Variants in RHOT1 observed in about 807,000 individuals in gnomAD.
RHOT1 encodes ras homolog family member T1, also known as mitochondrial Rho GTPase 1.
In RHOT1, 27 loss-of-function variants were observed where a neutral mutation model predicts 95.3. That is an observed-to-expected ratio of 0.28 (90% CI 0.21 to 0.39). The LOEUF (loss-of-function observed/expected upper bound fraction) is 0.39. RHOT1 is among the 10% of genes least tolerant of loss of function. RHOT1 has a pLI of 1.00. For missense variants in RHOT1, 578 were observed against 786.7 expected (o/e 0.73, Z 3.17); for synonymous variants, 227 against 263.5 (o/e 0.86, Z 1.34).
At chr17:32,170,181 G>A (rs1038402545) in intron 1 of RHOT1, among the ~76,000 whole-genome samples, 2 of 152,170 alleles carry the variant, frequency 1.3e-5, no homozygotes, top group African/African-American at 2.4e-5. Flanking sequence ...TTGGGAGGCC[G>A]AGGCAGGTAG....
intron 3 of RHOT1, among the ~76,000 whole-genome samples, chr17:32,174,677 G>A (rs1371790852): frequency 6.6e-6 from 1 of 152,130 alleles, no homozygotes; most frequent in Non-Finnish European, 1.5e-5. Flanking sequence ...CATTTTTAGG[G>A]GAAGATATAT....
intron 1 of RHOT1, among the ~76,000 whole-genome samples, chr17:32,160,751 G>A (rs2033461694): frequency 6.6e-6 from 1 of 152,222 alleles, no homozygotes; most frequent in East Asian, 1.9e-4. Flanking sequence ...CAGCCGGCGT[G>A]CCTGGCTGTG....
chr17:32,161,637 C>T (rs2033564172), intron 1 of RHOT1, among the ~76,000 whole-genome samples: 1 of 152,182 alleles, frequency 6.6e-6, no homozygotes, highest in Admixed American at 6.5e-5. Context: ...TTATCTTGGC[C>T]TGTTCCCAGG....
At chr17:32,148,126 G>A (rs1053537397) in intron 1 of RHOT1, among the ~76,000 whole-genome samples, 35 of 152,106 alleles carry the variant, frequency 2.3e-4, no homozygotes, top group Non-Finnish European at 4.3e-4. Context: ...TTAGCCAGGC[G>A]TGGTGGCAGG....
At position 32,192,273 on chromosome 17, in the gene RHOT1, A is replaced by G; in HGVS notation, c.613A>G (p.Asn205Asp). Residue 205 changes from asparagine (N) to aspartate (D), a missense_variant, in exon 9 of 20, where the codon AAT becomes GAT. Asn to Asp is a conservative substitution (Grantham distance 23). Around this residue, in one of 4 missense-constraint regions of RHOT1, gnomAD observed 227 missense variants for 316.0 expected, o/e 0.72. Transcript: ENST00000545287. ...TGATCAAGATAATGATGGTACTCTC[A>G]ATGATGCTGAACTCAACTTCTTTCA... Reference protein sequence around the residue: ...ISDQDNDGTLNDAELNFFQRI... With the variant: ...ISDQDNDGTLDDAELNFFQRI... The G allele has an allele frequency of 6.3e-7, 1 of 1,580,948 alleles. No individual in the cohort carries two copies. The highest frequency in any genetic ancestry group is 8.6e-7 in the Non-Finnish European group (1 of 1,160,596).
intron 6 of RHOT1, among the ~76,000 whole-genome samples, chr17:32,177,395 C>T (rs1426280544): frequency 6.6e-6 from 1 of 152,116 alleles, no homozygotes; most frequent in Non-Finnish European, 1.5e-5. Flanking sequence ...GGATCCAATA[C>T]CCATATGTTC....
intron 1 of RHOT1, among the ~76,000 whole-genome samples, chr17:32,165,719 A>G (rs1244747338): frequency 6.6e-6 from 1 of 152,182 alleles, no homozygotes; most frequent in Non-Finnish European, 1.5e-5. Flanking sequence ...ATGGAACTTG[A>G]ACCTCCAAAT....
intron 3 of RHOT1, among the ~76,000 whole-genome samples, chr17:32,175,003 T>C (rs995819539): frequency 5.3e-5 from 8 of 152,242 alleles, no homozygotes; most frequent in Non-Finnish European, 7.3e-5. Context: ...CTTCTGACTC[T>C]TCAGCACCCA....
At position 32,199,515 on chromosome 17, in the gene RHOT1, C is replaced by T. The variant is rs749432063; in HGVS notation, c.1065C>T (p.Gly355=). The change falls in exon 13 of 20, where the codon GGC becomes GGT. Residue 355 remains glycine (G), a synonymous_variant. Coordinates refer to ENST00000545287, the MANE Select transcript of RHOT1 (RefSeq NM_001033566.3). The part of the protein sequence containing the change: ...VNNTVCTNER[G]WITYQGFLSQ... ...ACACAGTTTGTACCAATGAAAGAGG[C>T]TGGATAACCTACCAGGGATTCCTTT... 6.2e-7 allele frequency: 1 copy of T among 1,612,116 alleles called. No homozygotes were observed. Among genetic ancestry groups the T allele is most frequent in the South Asian group, 1.1e-5 (1 of 90,592 alleles).
At chr17:32,151,818 G>A (rs569177797) in intron 1 of RHOT1, among the ~76,000 whole-genome samples, 1 of 148,520 alleles carries the variant, frequency 6.7e-6, no homozygotes, top group Non-Finnish European at 1.5e-5. Flanking sequence ...GGAGGCGGAG[G>A]TTGCAATGAG....
intron 1 of RHOT1, 27 bp downstream of exon 1, chr17:32,142,756 C>T: frequency 6.7e-7 from 1 of 1,495,810 alleles, no homozygotes; most frequent in Non-Finnish European, 8.9e-7. Context: ...TGGCCGGCCC[C>T]TGAGTCCCTG....
At chr17:32,165,165 A>G (rs895852126) in intron 1 of RHOT1, among the ~76,000 whole-genome samples, 2 of 151,938 alleles carry the variant, frequency 1.3e-5, no homozygotes, top group African/African-American at 2.4e-5. Context: ...GTGAAACCCC[A>G]TCTCTACTAA....
chr17:32,176,780 A>G, intron 6 of RHOT1, among the ~76,000 whole-genome samples: 1 of 152,022 alleles, frequency 6.6e-6, no homozygotes, highest in Non-Finnish European at 1.5e-5. Flanking sequence ...CACGTTGGTC[A>G]GTCTGGTCTC....
At chr17:32,192,402 A>G (rs2036556505) in intron 9 of RHOT1, 103 bp downstream of exon 9, 1 of 687,258 alleles carries the variant, frequency 1.5e-6, no homozygotes, top group Non-Finnish European at 2.5e-6. Flanking sequence ...ACAGTATGTT[A>G]TAAACATAAG....
At position 32,198,884 on chromosome 17, in the gene RHOT1, A is replaced by G. The variant is rs2037102478; in HGVS notation, c.870-63A>G. 12 of 1,087,376 alleles carry G rather than the reference A, an allele frequency of 1.1e-5. No homozygotes were observed. The South Asian group carries it at 1.3e-4, about 12-fold the overall frequency. The allele number at this position is 1,087,376 out of a possible 1,614,324, so 67.4% of individuals were successfully genotyped here. Reference sequence around the variant, plus strand: ...CACAAAAGACTTGTTGCAATTTTATATTAATTTCTTAAATTTTAACATTTG... The same window carrying G: ...CACAAAAGACTTGTTGCAATTTTATGTTAATTTCTTAAATTTTAACATTTG... On this transcript the variant is annotated intron_variant, in intron 11 of 19. Transcript: ENST00000545287.
At chr17:32,180,007 GGCC>G (rs1567685595) in intron 6 of RHOT1, 3 of 148,194 alleles carry the variant, frequency 2.0e-5, no homozygotes. Context: ...GCCTCTGCCC[GGCC>G]GCCCCGTCTG....
In RHOT1 at chr17:32,206,896, T is replaced by G; in HGVS notation, c.1417-14T>G. 1.9e-6 allele frequency: 3 copies of G among 1,540,368 alleles called. No individual in the cohort carries two copies. The highest frequency in any genetic ancestry group is 2.7e-6 in the Non-Finnish European group (3 of 1,120,152). On this transcript the variant is annotated splice_polypyrimidine_tract_variant and intron_variant, in intron 16 of 19. Coordinates refer to ENST00000545287, the MANE Select transcript of RHOT1 (RefSeq NM_001033566.3). ...ATGATACTTATATTTTTCATTATCT[T>G]TTTCTTTTACAAGTTGCATGATATC...
At chr17:32,165,359 AAAAC>A (rs1176909694) in intron 1 of RHOT1, among the ~76,000 whole-genome samples, 3,319 of 146,920 alleles carry the variant, frequency 0.023, 198 homozygotes, top group African/African-American at 0.083. Flanking sequence ...AAAAAAAAAA[AAAAC>A]AATACAAAAA....
intron 2 of RHOT1, 112 bp from the exon 3 acceptor site, chr17:32,173,719 A>G (rs1598350358): frequency 1.3e-6 from 1 of 775,944 alleles, no homozygotes; most frequent in South Asian, 1.8e-5. Flanking sequence ...TTAAAAAAAA[A>G]AAAAGAAAAG....
Sources: allele counts gnomAD v4.1 joint callset (sites outside exome capture counted in the v4.1 genomes callset), GRCh38; gene constraint gnomAD v4.1.1; regional missense constraint gnomAD v4.1.1; transcripts MANE v1.5; gene names NCBI Gene and HGNC (gene_info 2026-07-23, HGNC 2026-07-21).